Variants in SPATS2L observed in about 807,000 individuals in gnomAD.
SPATS2L encodes spermatogenesis associated serine rich 2 like, also known as SPATS2-like protein.
A neutral mutation model predicts 59.6 loss-of-function variants in SPATS2L; 30 were observed. The observed-to-expected ratio is 0.50, with a 90% CI of 0.38 to 0.68. The LOEUF (loss-of-function observed/expected upper bound fraction) is 0.68, where lower values mean the gene tolerates loss of function less well. SPATS2L is among the 30% of genes least tolerant of loss of function. The pLI, the probability that SPATS2L is intolerant of heterozygous loss-of-function variation, is 0.00. For synonymous variants in SPATS2L, 252 were observed against 263.5 expected (o/e 0.96, Z 0.42); for missense variants, 615 against 700.0 (o/e 0.88, Z 1.37).
At chr2:200,469,621 T>G in intron 10 of SPATS2L, 2 of 273,004 alleles carry the variant, frequency 7.3e-6, no homozygotes, top group East Asian at 1.4e-4. Context: ...AGAAAAGTAC[T>G]AGGAGGGCGA....
chr2:200,361,556 G>C (rs1559067998), intron 2 of SPATS2L, among the ~76,000 whole-genome samples: 1 of 152,204 alleles, frequency 6.6e-6, no homozygotes, highest in Non-Finnish European at 1.5e-5. Context: ...AAATCGTTAA[G>C]GCTTTCTTGC....
chr2:200,473,602 G>A (rs2087250260), intron 12 of SPATS2L, among the ~76,000 whole-genome samples: 1 of 152,180 alleles, frequency 6.6e-6, no homozygotes, highest in Admixed American at 6.5e-5. Context: ...CTATTATGAT[G>A]TCTAAAGACA....
chr2:200,373,270 C>CAAAAAAAAAAA (rs3856514), intron 2 of SPATS2L: 11 of 106,036 alleles, frequency 1.0e-4, no homozygotes, highest in South Asian at 3.1e-4. Flanking sequence ...ACTGCCTTAA[C>CAAAAAAAAAAA]AAAAAAAAAA....
intron 4 of SPATS2L, 96 bp from the exon 5 acceptor site, chr2:200,416,283 A>T: frequency 1.7e-6 from 1 of 571,962 alleles, no homozygotes; most frequent in Non-Finnish European, 2.7e-6. Flanking sequence ...CAAAAAAAAA[A>T]AAAAAAAGCT....
At chr2:200,327,663 T>C (rs1188959366) in intron 1 of SPATS2L, among the ~76,000 whole-genome samples, 1 of 152,220 alleles carries the variant, frequency 6.6e-6, no homozygotes, top group Non-Finnish European at 1.5e-5. Flanking sequence ...AATTAGAAAA[T>C]TGTTTTTGTC....
chr2:200,395,184 A>G (rs527435890), intron 3 of SPATS2L, among the ~76,000 whole-genome samples: 1 of 152,230 alleles, frequency 6.6e-6, no homozygotes, highest in Non-Finnish European at 1.5e-5. Context: ...ATAAATGTTT[A>G]AATAATTTTA....
rs889124804 is a variant in SPATS2L at position 200,473,098 on chromosome 2, A to C, written c.1281+46A>C. On this transcript the variant is annotated intron_variant, in intron 12 of 12. Coordinates refer to ENST00000409140, the MANE Select transcript of SPATS2L (RefSeq NM_001100423.2). ...GGTGCCAGAGGAAAAAAAAAAAAAA[A>C]CCTGTTTCCAGAGGAAGAAAACAGC... 16 of 1,453,614 alleles carry C rather than the reference A, an allele frequency of 1.1e-5. No individual in the cohort carries two copies. The African/African-American group carries it at 2.0e-4, about 18-fold the overall frequency. 90.0% of individuals were successfully genotyped at this position (1,453,614 alleles called of 1,614,324 possible). A position where few individuals can be genotyped will look rare whatever the true frequency, so the allele number is the denominator to read the frequency against.
At chr2:200,461,586 G>C (rs548742027) in intron 9 of SPATS2L, among the ~76,000 whole-genome samples, 7 of 152,060 alleles carry the variant, frequency 4.6e-5, no homozygotes, top group Non-Finnish European at 1.0e-4. Flanking sequence ...TTTCCAGCTG[G>C]GATTCAGTTT....
intron 12 of SPATS2L, 60 bp from the exon 13 acceptor site, chr2:200,477,576 C>A: frequency 3.8e-6 from 4 of 1,060,358 alleles, no homozygotes; most frequent in African/African-American, 1.9e-5. Context: ...TTCCTGATGT[C>A]TACTGGTGTC....
chr2:200,385,884 AG>A (rs1214245794), intron 2 of SPATS2L, among the ~76,000 whole-genome samples: 1 of 151,950 alleles, frequency 6.6e-6, no homozygotes, highest in Non-Finnish European at 1.5e-5. Context: ...TAGTGGAGAC[AG>A]GGTTTCACTG....
intron 2 of SPATS2L, among the ~76,000 whole-genome samples, chr2:200,330,682 A>G (rs1442248347): frequency 6.6e-6 from 1 of 152,236 alleles, no homozygotes; most frequent in Admixed American, 6.5e-5. Context: ...CTTGAAACGT[A>G]TACCAAATAA....
chr2:200,388,013 A>G (rs1040096433), intron 2 of SPATS2L, among the ~76,000 whole-genome samples: 13 of 152,230 alleles, frequency 8.5e-5, no homozygotes, highest in African/African-American at 3.1e-4. Flanking sequence ...CACCAAAGGC[A>G]GAAAACCTAA....
At chr2:200,441,853 C>G (rs1230448388) in intron 8 of SPATS2L, among the ~76,000 whole-genome samples, 1 of 152,176 alleles carries the variant, frequency 6.6e-6, no homozygotes, top group Non-Finnish European at 1.5e-5. Flanking sequence ...ACTTCTTCTG[C>G]ATGCTTTTCC....
intron 2 of SPATS2L, among the ~76,000 whole-genome samples, chr2:200,372,846 G>A (rs1439216112): frequency 6.6e-6 from 1 of 152,132 alleles, no homozygotes; most frequent in Non-Finnish European, 1.5e-5. Context: ...CAGATACATT[G>A]TGAGGTCTCA....
At chr2:200,385,907 A>C (rs2081977918) in intron 2 of SPATS2L, among the ~76,000 whole-genome samples, 2 of 152,074 alleles carry the variant, frequency 1.3e-5, no homozygotes, top group South Asian at 4.2e-4. Flanking sequence ...GTTAGCCAGG[A>C]TGGTCTCGAT....
Position 200,472,976 on chromosome 2 carries a change from C to A in SPATS2L, c.1205C>A (p.Ala402Glu), listed in dbSNP as rs762918213. 1.9e-6 allele frequency: 3 copies of A among 1,613,790 alleles called. No individual in the cohort carries two copies. The highest frequency in any genetic ancestry group is 2.5e-6 in the Non-Finnish European group (3 of 1,179,862). The part of the protein sequence containing the change: ...STHNKPSEGK[A>E]ANPKMVSSLP... ...CACAATAAGCCCTCTGAAGGCAAAG[C>A]GGCAAACCCCAAAATGGTGAGCAGT... Residue 402 changes from alanine (A) to glutamate (E), a missense_variant, in exon 12 of 13, where the codon GCG becomes GAG. This residue lies in a region of SPATS2L where 284 missense variants were observed against 280.1 expected (regional missense o/e 1.01). Transcript: ENST00000409140.
intron 3 of SPATS2L, among the ~76,000 whole-genome samples, chr2:200,391,395 C>T (rs2082169253): frequency 6.6e-6 from 1 of 152,088 alleles, no homozygotes; most frequent in African/African-American, 2.4e-5. Flanking sequence ...TATTAATATT[C>T]TAAGTATATT....
At position 200,477,515 on chromosome 2, in the gene SPATS2L, T is replaced by TAAAAAAAAAA. The variant is rs59073895; in HGVS notation, c.1282-107_1282-98dup. 1.4e-3 allele frequency: 432 copies of TAAAAAAAAAA among 302,640 alleles called. 33 individuals carry two copies. In the African/African-American group the frequency reaches 0.017, roughly 12 times the overall value. The allele number at this position is 302,640 out of a possible 1,614,324, so 18.7% of individuals were successfully genotyped here. On this transcript the variant is annotated intron_variant, in intron 12 of 12. Coordinates refer to ENST00000409140, the MANE Select transcript of SPATS2L (RefSeq NM_001100423.2). The stretch of plus-strand genomic sequence containing the variant: ...CATGTTTTCTGATTCTTCTGGTGTA[T>TAAAAAAAAAA]AAAAAAAAAAAAAAAAAAAAAAAGC...
chr2:200,462,198 C>T (rs1459208135), intron 9 of SPATS2L, among the ~76,000 whole-genome samples: 1 of 152,218 alleles, frequency 6.6e-6, no homozygotes, highest in African/African-American at 2.4e-5. Flanking sequence ...GTCACTAGCA[C>T]ATCATCACTT....
Sources: allele counts gnomAD v4.1 joint callset (sites outside exome capture counted in the v4.1 genomes callset), GRCh38; gene constraint gnomAD v4.1.1; regional missense constraint gnomAD v4.1.1; transcripts MANE v1.5; gene names NCBI Gene and HGNC (gene_info 2026-07-23, HGNC 2026-07-21).